The following BRIP1 variants were observed in gnomAD, a reference collection of about 807,000 sequenced individuals.
BRIP1 encodes BRCA1 interacting DNA helicase 1.
In BRIP1, 88 loss-of-function variants were observed where a neutral mutation model predicts 119.7. That is an observed-to-expected ratio of 0.74 (90% CI 0.62 to 0.88). The LOEUF (loss-of-function observed/expected upper bound fraction) is 0.88. Ranked by LOEUF, BRIP1 falls within the 40% of genes least tolerant of loss-of-function variation. The pLI is 0.00. For synonymous variants in BRIP1, 443 were observed against 496.5 expected, an observed-to-expected ratio of 0.89 and a Z score of 1.43; for missense variants, 1,259 against 1,455.4, an observed-to-expected ratio of 0.87 and a Z score of 2.20.
At position 61,798,509 on chromosome 17, in the gene BRIP1, AT is replaced by A. The variant is rs2077936093; in HGVS notation, c.1340+590del. On this transcript the variant is annotated intron_variant, in intron 9 of 19. Transcript: ENST00000259008. The surrounding 1 kb of genome is among the most constrained non-coding windows in gnomAD (Gnocchi z 5.5). ...AACCATGTGACTGTGTAACATTCAA[AT>A]TTTTTTAAAGTGTAAATGTGAAGGA... is the stretch of plus-strand genomic sequence containing the variant. Among the ~76,000 whole-genome samples, 1 of 152,010 alleles carries A rather than the reference AT, an allele frequency of 6.6e-6. No homozygotes were observed. Among genetic ancestry groups the A allele is most frequent in the Non-Finnish European group, 1.5e-5 (1 of 67,906 alleles).
chr17:61,739,997 G>A lies in BRIP1; in HGVS notation c.2379+3016C>T, dbSNP rs2076966200. 6.6e-6 allele frequency among the ~76,000 whole-genome samples: 1 copy of A among 152,150 alleles called. No individual in the cohort carries two copies. Among genetic ancestry groups the A allele is most frequent in the African/African-American group, 2.4e-5 (1 of 41,422 alleles). On this transcript the variant is annotated intron_variant, in intron 16 of 19. Coordinates refer to ENST00000259008, the MANE Select transcript of BRIP1 (RefSeq NM_032043.3). The surrounding 1 kb of genome is among the most constrained non-coding windows in gnomAD (Gnocchi z 6.0). ...TCCATTGTAAGTAATCGCATAACCG[G>A]GCAAAATGGAGCAATTGTTTTCAGG...
chr17:61,696,943 G>A (rs559047198), intron 17 of BRIP1, among the ~76,000 whole-genome samples: 23 of 134,260 alleles, frequency 1.7e-4, no homozygotes, highest in African/African-American at 5.0e-4. Context: ...CTGAGATTGC[G>A]CCGCTGTACT....
At position 61,706,242 on chromosome 17, in the gene BRIP1, A is replaced by G. The variant is rs1410065436; in HGVS notation, c.2492+9709T>C. 1.3e-5 allele frequency among the ~76,000 whole-genome samples: 2 copies of G among 152,016 alleles called. No homozygotes were observed. The highest frequency in any genetic ancestry group is 1.5e-5 in the Non-Finnish European group (1 of 67,958). ...CAGTTACTTGAGCTAGATCATTGGTATTTTGAATTCTGGTCTCCTTTCTTA... is the reference window on the plus strand; with the variant it reads ...CAGTTACTTGAGCTAGATCATTGGTGTTTTGAATTCTGGTCTCCTTTCTTA... On this transcript the variant is annotated intron_variant, in intron 17 of 19. Coordinates refer to ENST00000259008, the MANE Select transcript of BRIP1 (RefSeq NM_032043.3). This position sits in a 1 kb window ranked among gnomAD's most constrained non-coding sequence, Gnocchi z 5.7.
rs1168056972 is a variant in BRIP1, at chr17:61,841,530, C to A, written c.627+5571G>T. Reference sequence around the variant, plus strand: ...TCACTCAGTTAGAATGGCTTACTATCGAAAAGACAAAAAAAAATAACAAAT... The same window carrying A: ...TCACTCAGTTAGAATGGCTTACTATAGAAAAGACAAAAAAAAATAACAAAT... On this transcript the variant is annotated intron_variant, in intron 6 of 19. Transcript: ENST00000259008. This position sits in a 1 kb window ranked among gnomAD's most constrained non-coding sequence, Gnocchi z 4.1. Among the ~76,000 whole-genome samples, 1 of 151,178 alleles carries A rather than the reference C, an allele frequency of 6.6e-6. No homozygotes were observed. The highest frequency in any genetic ancestry group is 1.5e-5 in the Non-Finnish European group (1 of 67,888).
Position 61,683,340 on chromosome 17 carries a change from G to GTT in BRIP1, c.3704_3705dup (p.Pro1236AsnfsTer19). The GTT allele has an allele frequency of 6.2e-7, 1 of 1,611,540 alleles. No individual in the cohort carries two copies. Among genetic ancestry groups the GTT allele is most frequent in the Non-Finnish European group, 8.5e-7 (1 of 1,178,364 alleles). On this transcript the variant is annotated frameshift_variant, in exon 20 of 20. Transcript: ENST00000259008. LOFTEE classifies it high-confidence loss of function. This position sits in a 1 kb window ranked among gnomAD's most constrained non-coding sequence, Gnocchi z 4.7. ...ATGCCTTTATTTTTGGAAGGAGATG[G>GTT]TTTAAAGTTCTTTATTTCTATTTCA... is the stretch of plus-strand genomic sequence containing the variant.
At position 61,804,460 on chromosome 17, in the gene BRIP1, A is replaced by C. The variant is rs558998829; in HGVS notation, c.919-2986T>G. The stretch of plus-strand genomic sequence containing the variant: ...TGTGTGTGTGTGTATGTGTGTGTAC[A>C]TACACATACATATATACATATGGGT... On this transcript the variant is annotated intron_variant, in intron 7 of 19. Coordinates refer to ENST00000259008, the MANE Select transcript of BRIP1 (RefSeq NM_032043.3). This position sits in a 1 kb window ranked among gnomAD's most constrained non-coding sequence, Gnocchi z 4.5. Among the ~76,000 whole-genome samples the C allele has an allele frequency of 6.7e-6, 1 of 149,720 alleles. No homozygotes were observed. The highest frequency in any genetic ancestry group is 2.5e-5 in the African/African-American group (1 of 40,488).
chr17:61,758,255 A>G lies in BRIP1; in HGVS notation c.2098-13664T>C, dbSNP rs1284028904. On this transcript the variant is annotated intron_variant, in intron 14 of 19. Transcript: ENST00000259008. This position sits in a 1 kb window ranked among gnomAD's most constrained non-coding sequence, Gnocchi z 5.3. ...GTATAAACTTATTCACACAAATTCAACTATATGTTTCATTCTTTTCCTGAA... is the reference window on the plus strand; with the variant it reads ...GTATAAACTTATTCACACAAATTCAGCTATATGTTTCATTCTTTTCCTGAA... 6.6e-6 allele frequency among the ~76,000 whole-genome samples: 1 copy of G among 152,228 alleles called. No individual in the cohort carries two copies. Among genetic ancestry groups the G allele is most frequent in the Non-Finnish European group, 1.5e-5 (1 of 68,038 alleles).
chr17:61,837,320 G>A (rs8076727), intron 6 of BRIP1, among the ~76,000 whole-genome samples: 29,419 of 151,896 alleles, frequency 0.19, 3,312 homozygotes, highest in Admixed American at 0.31. Context: ...AGGAAGGAAG[G>A]AAATAAAAAT....
rs1033962919 is a variant in BRIP1, at chr17:61,690,108, A to G, written c.2575+3322T>C. Among the ~76,000 whole-genome samples, 9 of 152,228 alleles carry G rather than the reference A, an allele frequency of 5.9e-5. No homozygotes were observed. Among genetic ancestry groups the G allele is most frequent in the Non-Finnish European group, 8.8e-5 (6 of 68,044 alleles). On this transcript the variant is annotated intron_variant, in intron 18 of 19. Coordinates refer to ENST00000259008, the MANE Select transcript of BRIP1 (RefSeq NM_032043.3). The surrounding 1 kb of genome is among the most constrained non-coding windows in gnomAD (Gnocchi z 5.6). ...AAAAAACCTGCCAGTGAAGGATATT[A>G]TATCTGGTAAAGCCATCTATCAAAA... is the stretch of plus-strand genomic sequence containing the variant.
Position 61,853,668 on chromosome 17 carries a change from G to T in BRIP1, c.379+3390C>A, listed in dbSNP as rs1299970553. On this transcript the variant is annotated intron_variant, in intron 4 of 19. Transcript: ENST00000259008. The surrounding 1 kb of genome is among the most constrained non-coding windows in gnomAD (Gnocchi z 4.3). Reference sequence around the variant, plus strand: ...AAGGATAGCCTTTTCGATATATCCAGGTGCTGAACAACTGGATATCCACAT... The same window carrying T: ...AAGGATAGCCTTTTCGATATATCCATGTGCTGAACAACTGGATATCCACAT... Among the ~76,000 whole-genome samples the T allele has an allele frequency of 6.6e-6, 1 of 152,074 alleles. No homozygotes were observed. The highest frequency in any genetic ancestry group is 1.9e-4 in the East Asian group (1 of 5,196).
Position 61,691,565 on chromosome 17 carries a change from C to G in BRIP1, c.2575+1865G>C, listed in dbSNP as rs1259609272. Among the ~76,000 whole-genome samples the G allele has an allele frequency of 6.6e-6, 1 of 152,150 alleles. No homozygotes were observed. The highest frequency in any genetic ancestry group is 2.4e-5 in the African/African-American group (1 of 41,428). On this transcript the variant is annotated intron_variant, in intron 18 of 19. Coordinates refer to ENST00000259008, the MANE Select transcript of BRIP1 (RefSeq NM_032043.3). The surrounding 1 kb of genome is among the most constrained non-coding windows in gnomAD (Gnocchi z 5.0). ...CCGCCTCCCAGGTTCAAGCCATTCT[C>G]CTGCCTCAGCCTCCAGAATAGTTGA... is the stretch of plus-strand genomic sequence containing the variant.
At chr17:61,763,028 G>A (rs374436406) in intron 14 of BRIP1, among the ~76,000 whole-genome samples, 2 of 152,098 alleles carry the variant, frequency 1.3e-5, no homozygotes, top group East Asian at 1.9e-4. Context: ...CTTACTTTAC[G>A]TGGCATCTAA....
In BRIP1 at chr17:61,755,692, C is replaced by T. The variant is rs549248103; in HGVS notation, c.2098-11101G>A. On this transcript the variant is annotated intron_variant, in intron 14 of 19. Transcript: ENST00000259008. The surrounding 1 kb of genome is among the most constrained non-coding windows in gnomAD (Gnocchi z 4.5). ...ACTAGCTAGACTAGACTAGTTTTCTCTTGGTGAGACTTTGTTCATTCATTC... is the reference window on the plus strand; with the variant it reads ...ACTAGCTAGACTAGACTAGTTTTCTTTTGGTGAGACTTTGTTCATTCATTC... Among the ~76,000 whole-genome samples the T allele has an allele frequency of 3.9e-5, 6 of 152,254 alleles. No individual in the cohort carries two copies. The South Asian group carries it at 6.2e-4, about 16-fold the overall frequency.
At chr17:61,801,576 G>C in intron 7 of BRIP1, 102 bp from the exon 8 acceptor site, 1 of 1,168,684 alleles carries the variant, frequency 8.6e-7, no homozygotes, top group South Asian at 1.3e-5. Flanking sequence ...AAGCCACAAG[G>C]CTAAGATTTT....
rs1350322711 is a variant in BRIP1 at position 61,808,666 on chromosome 17, T to G, written c.719A>C (p.Lys240Thr). ...AAAATATATTTTGGGTATCTTGGAT[T>G]TCCCTGTATGATCCTTCTTAATGGT... ...SNTIKKDHTG[K>T]SKIPKIYFGT... Residue 240 changes from lysine (K) to threonine (T), a missense_variant, in exon 7 of 20, where the codon AAA (lysine) becomes ACA (threonine). Coordinates refer to ENST00000259008, the MANE Select transcript of BRIP1 (RefSeq NM_032043.3). This position sits in a 1 kb window ranked among gnomAD's most constrained non-coding sequence, Gnocchi z 4.1. 1 of 1,613,986 alleles carries G rather than the reference T, an allele frequency of 6.2e-7. No homozygotes were observed. The highest frequency in any genetic ancestry group is 2.2e-5 in the East Asian group (1 of 44,874).
At chr17:61,860,000 T>C (rs1342834493) in intron 2 of BRIP1, 93 bp from the exon 3 acceptor site, 1 of 856,438 alleles carries the variant, frequency 1.2e-6, no homozygotes, top group Non-Finnish European at 1.9e-6. Flanking sequence ...CAAGGAAAAG[T>C]GAGATTGCAC....
chr17:61,792,242 G>A (rs1174822690), intron 10 of BRIP1, among the ~76,000 whole-genome samples: 2 of 152,120 alleles, frequency 1.3e-5, no homozygotes, highest in South Asian at 2.1e-4. Flanking sequence ...CACCATACCC[G>A]GCAGTTACAG....
At position 61,748,281 on chromosome 17, in the gene BRIP1, G is replaced by C. The variant is rs1344267112; in HGVS notation, c.2098-3690C>G. On this transcript the variant is annotated intron_variant, in intron 14 of 19. Coordinates refer to ENST00000259008, the MANE Select transcript of BRIP1 (RefSeq NM_032043.3). The surrounding 1 kb of genome is among the most constrained non-coding windows in gnomAD (Gnocchi z 4.7). ...ATCTAATGCCTGATGATCTGAGGTG[G>C]AACAGTTTCATCCCGAAACCATCAC... Among the ~76,000 whole-genome samples, 1 of 152,218 alleles carries C rather than the reference G, an allele frequency of 6.6e-6. No individual in the cohort carries two copies. Among genetic ancestry groups the C allele is most frequent in the African/African-American group, 2.4e-5 (1 of 41,530 alleles).
chr17:61,834,158 C>A lies in BRIP1; in HGVS notation c.627+12943G>T, dbSNP rs991604143. ...ACAAAAAAGTATCCATCAAAATAGA[C>A]CTGCTAAATTTTACTATGACCGTGA... On this transcript the variant is annotated intron_variant, in intron 6 of 19. Coordinates refer to ENST00000259008, the MANE Select transcript of BRIP1 (RefSeq NM_032043.3). The surrounding 1 kb of genome is among the most constrained non-coding windows in gnomAD (Gnocchi z 4.4). Among the ~76,000 whole-genome samples the A allele has an allele frequency of 6.6e-6, 1 of 152,022 alleles. No homozygotes were observed. Among genetic ancestry groups the A allele is most frequent in the Non-Finnish European group, 1.5e-5 (1 of 68,018 alleles).
Sources: allele counts gnomAD v4.1 joint callset (sites outside exome capture counted in the v4.1 genomes callset), GRCh38; gene constraint gnomAD v4.1.1; non-coding constraint Gnocchi (gnomAD v3.1); transcripts MANE v1.5; gene names NCBI Gene and HGNC (gene_info 2026-07-23, HGNC 2026-07-21).